The following MTERF4 variants were observed in gnomAD, a reference collection of about 807,000 sequenced individuals.
MTERF4 encodes transcription termination factor 4, mitochondrial.
MTERF4 carries 17 observed loss-of-function variants against 22.5 expected under a neutral mutation model. The observed-to-expected ratio is 0.75, with a 90% CI of 0.52 to 1.13. The LOEUF (loss-of-function observed/expected upper bound fraction) is 1.13, where lower values mean the gene tolerates loss of function less well. MTERF4 is among the 50% of genes most tolerant of loss of function. The pLI, the probability that MTERF4 is intolerant of heterozygous loss-of-function variation, is 0.00. For missense variants in MTERF4, 420 were observed against 466.8 expected, an observed-to-expected ratio of 0.90 and a Z score of 0.92; for synonymous variants, 165 against 175.3, an observed-to-expected ratio of 0.94 and a Z score of 0.47.
At chr2:241,059,001 A>G in the MTERF4 span, among the ~76,000 whole-genome samples, 2 of 152,148 alleles carry the variant, frequency 1.3e-5, no homozygotes, top group African/African-American at 2.4e-5. Flanking sequence ...CTGATCAGGA[A>G]AAAAAGAGAG....
chr2:241,067,733 C>T (rs774075166), downstream of MTERF4: 34 of 1,567,872 alleles, frequency 2.2e-5, no homozygotes, highest in Admixed American at 8.6e-5. Flanking sequence ...AAGGAGGGGC[C>T]GGCACCTGCT....
chr2:241,090,068 C>T, downstream of MTERF4: 2 of 1,517,894 alleles, frequency 1.3e-6, no homozygotes, highest in South Asian at 1.3e-5. Context: ...TTAACCTTAG[C>T]TTACTGTAAC....
At chr2:241,062,781 C>A in the MTERF4 span, 1 of 1,594,708 alleles carries the variant, frequency 6.3e-7, no homozygotes, top group Non-Finnish European at 8.6e-7. Context: ...CTTGGGCTCT[C>A]TCCTCTCAGA....
chr2:241,087,570 G>A (rs1311900676), downstream of MTERF4: 17 of 1,470,924 alleles, frequency 1.2e-5, no homozygotes, highest in Non-Finnish European at 1.5e-5. Context: ...CAGGCCTGTG[G>A]GCTGAGCCAG....
downstream of MTERF4, among the ~76,000 whole-genome samples, chr2:241,089,742 G>T (rs1025695073): frequency 6.6e-6 from 1 of 152,250 alleles, no homozygotes; most frequent in African/African-American, 2.4e-5. Context: ...TGCATTCTGA[G>T]AAATGCTTTG....
At chr2:241,067,613 G>A, downstream of MTERF4, 1 of 594,990 alleles carries the variant, frequency 1.7e-6, no homozygotes, top group South Asian at 2.7e-5. Flanking sequence ...ATCCCACTCA[G>A]CCCGAGTTCC....
downstream of MTERF4, chr2:241,082,167 G>A: frequency 2.4e-6 from 2 of 828,344 alleles, no homozygotes; most frequent in Non-Finnish European, 3.9e-6. Flanking sequence ...CCGCCTTGGA[G>A]GAAGCCAGCC....
downstream of MTERF4, among the ~76,000 whole-genome samples, chr2:241,068,679 C>T (rs1014818643): frequency 6.6e-6 from 1 of 152,126 alleles, no homozygotes; most frequent in East Asian, 1.9e-4. The surrounding 1 kb of genome is among the most constrained non-coding windows in gnomAD (Gnocchi z 5.3). Context: ...CTGTAGCAGC[C>T]CCAAGCGCAC....
At chr2:241,051,156 C>G in the MTERF4 span, 2 of 152,384 alleles carry the variant, frequency 1.3e-5, no homozygotes, top group African/African-American at 4.8e-5. This position sits in a 1 kb window ranked among gnomAD's most constrained non-coding sequence, Gnocchi z 4.7. Flanking sequence ...GCACTCCTCA[C>G]TGGCCCTTTG....
intron 2 of MTERF4, among the ~76,000 whole-genome samples, chr2:241,098,902 ACTC>A (rs1160865350): frequency 7.3e-5 from 11 of 151,342 alleles, no homozygotes; most frequent in Admixed American, 2.6e-4. Flanking sequence ...TCTAGTCTTA[ACTC>A]CTCCTCCTTC....
chr2:241,048,605 G>A, the MTERF4 span: 93 of 1,527,956 alleles, frequency 6.1e-5, no homozygotes, highest in Non-Finnish European at 6.9e-5. Flanking sequence ...GGTCTGGAGC[G>A]AGGGTGCCAT....
the MTERF4 span, chr2:241,065,567 C>T: frequency 1.2e-6 from 2 of 1,612,536 alleles, no homozygotes; most frequent in Non-Finnish European, 1.7e-6. Flanking sequence ...ATGACATCAG[C>T]AGGCCTGCCG....
chr2:241,067,881 G>A (rs929659744), downstream of MTERF4: 23 of 1,613,356 alleles, frequency 1.4e-5, no homozygotes, highest in African/African-American at 2.7e-5. Context: ...GTGTCCATCC[G>A]CCACCCTGAG....
At chr2:241,049,743 G>A in the MTERF4 span, 1 of 1,121,998 alleles carries the variant, frequency 8.9e-7, no homozygotes, top group East Asian at 2.4e-5. Flanking sequence ...GGCAGGCAAG[G>A]TGCCCGCCAG....
the MTERF4 span, among the ~76,000 whole-genome samples, chr2:241,057,089 T>G: frequency 3.3e-5 from 5 of 151,972 alleles, no homozygotes; most frequent in African/African-American, 1.2e-4. Context: ...AGTATAAATA[T>G]TGAAATAGGT....
the MTERF4 span, among the ~76,000 whole-genome samples, chr2:241,062,521 G>A: frequency 6.6e-6 from 1 of 152,130 alleles, no homozygotes; most frequent in South Asian, 2.1e-4. Flanking sequence ...CTGTCGGCCT[G>A]AACCACTGGA....
At chr2:241,071,237 C>T (rs535182373), downstream of MTERF4, among the ~76,000 whole-genome samples, 1 of 152,314 alleles carries the variant, frequency 6.6e-6, no homozygotes, top group African/African-American at 2.4e-5. Flanking sequence ...CCAGGGCAGC[C>T]TGGGACCTGA....
At chr2:241,065,711 G>T in the MTERF4 span, 2 of 898,436 alleles carry the variant, frequency 2.2e-6, no homozygotes, top group Non-Finnish European at 3.4e-6. Flanking sequence ...TCTTGCAGCA[G>T]CAAGACAGAC....
chr2:241,042,926 G>A, the MTERF4 span, among the ~76,000 whole-genome samples: 17 of 152,282 alleles, frequency 1.1e-4, no homozygotes, highest in South Asian at 3.5e-3. Context: ...ATGGAGAACA[G>A]TATCAAGCAG....
Sources: gnomAD v4.1 joint callset for allele counts (sites outside exome capture counted in the v4.1 genomes callset) on GRCh38, gnomAD v4.1.1 for gene constraint, Gnocchi (gnomAD v3.1) non-coding constraint, MANE v1.5 for transcripts, NCBI Gene and HGNC (gene_info 2026-07-23, HGNC 2026-07-21) for gene names.